Variants in TENM3 observed in about 807,000 individuals in gnomAD.
TENM3 encodes teneurin transmembrane protein 3, also known as teneurin-3.
TENM3 carries 63 observed loss-of-function variants against 255.1 expected under a neutral mutation model. The observed-to-expected ratio is 0.25, with a 90% confidence interval of 0.20 to 0.30. The LOEUF (loss-of-function observed/expected upper bound fraction) is 0.30, where lower values mean the gene tolerates loss of function less well. Among genes scored for constraint, TENM3 ranks in the 10% least tolerant of loss-of-function variants. The pLI is 1.00. For synonymous variants in TENM3, 1,306 were observed against 1,322.3 expected (o/e 0.99, Z 0.27); for missense variants, 2,929 against 3,461.1 (o/e 0.85, Z 3.86).
chr4:182,696,639 C>T (rs956055540), intron 12 of TENM3, among the ~76,000 whole-genome samples: 1 of 151,912 alleles, frequency 6.6e-6, no homozygotes, highest in Non-Finnish European at 1.5e-5. Context: ...GCAGGAGAAT[C>T]GCTTGAACCA....
chr4:181,666,540 A>G, the TENM3 span, among the ~76,000 whole-genome samples: 1 of 152,188 alleles, frequency 6.6e-6, no homozygotes, highest in Admixed American at 6.5e-5. Flanking sequence ...TTACTGAGTC[A>G]GAGGCCAACT....
chr4:181,754,170 G>T, the TENM3 span, among the ~76,000 whole-genome samples: 1 of 152,000 alleles, frequency 6.6e-6, no homozygotes, highest in African/African-American at 2.4e-5. Flanking sequence ...TGACAAAAGC[G>T]AGTCTTGAAG....
At chr4:182,675,043 A>G (rs2152557635) in intron 7 of TENM3, among the ~76,000 whole-genome samples, 1 of 151,592 alleles carries the variant, frequency 6.6e-6, no homozygotes, top group Admixed American at 6.6e-5. Flanking sequence ...TGCCCAGCTA[A>G]TTTTGTATTT....
chr4:182,155,280 T>C (rs2149596241), intron 1 of TENM3, among the ~76,000 whole-genome samples: 1 of 152,272 alleles, frequency 6.6e-6, no homozygotes, highest in Middle Eastern at 3.4e-3. Context: ...AAGTTCACTA[T>C]AAAAATTGCA....
chr4:182,430,979 T>C (rs1771591150), intron 3 of TENM3, among the ~76,000 whole-genome samples: 1 of 151,792 alleles, frequency 6.6e-6, no homozygotes, highest in Non-Finnish European at 1.5e-5. Flanking sequence ...GCCATTGCAC[T>C]CCAGCCTGGG....
At chr4:181,748,020 T>C in the TENM3 span, among the ~76,000 whole-genome samples, 1 of 152,062 alleles carries the variant, frequency 6.6e-6, no homozygotes, top group Non-Finnish European at 1.5e-5. Flanking sequence ...CTAATTATTG[T>C]ACCACTCTAA....
chr4:182,025,535 C>A, the TENM3 span, among the ~76,000 whole-genome samples: 4 of 152,114 alleles, frequency 2.6e-5, no homozygotes, highest in Non-Finnish European at 5.9e-5. Flanking sequence ...GGTATACACC[C>A]AGCAGTGGAA....
At chr4:181,561,517 A>C in the TENM3 span, among the ~76,000 whole-genome samples, 21 of 152,308 alleles carry the variant, frequency 1.4e-4, no homozygotes, top group Admixed American at 1.1e-3. Flanking sequence ...CCAGCAGGAT[A>C]ATCAATCAGT....
chr4:181,694,295 C>T, the TENM3 span, among the ~76,000 whole-genome samples: 1 of 152,302 alleles, frequency 6.6e-6, no homozygotes, highest in African/African-American at 2.4e-5. Context: ...TACAAAACAA[C>T]AGATTCATTT....
intron 3 of TENM3, among the ~76,000 whole-genome samples, chr4:182,364,148 A>G (rs914480656): frequency 2.0e-5 from 3 of 151,898 alleles, no homozygotes; most frequent in African/African-American, 4.8e-5. Context: ...TAATACCCCA[A>G]GTAAAATGAT....
chr4:181,667,263 T>C, the TENM3 span, among the ~76,000 whole-genome samples: 1 of 152,150 alleles, frequency 6.6e-6, no homozygotes, highest in African/African-American at 2.4e-5. Flanking sequence ...GGTTCTGCTC[T>C]TCCCTTAATG....
At chr4:182,298,984 C>G (rs1254613384) in intron 1 of TENM3, among the ~76,000 whole-genome samples, 1 of 25,554 alleles carries the variant, frequency 3.9e-5, no homozygotes, top group African/African-American at 1.3e-4. Context: ...GACTCCTTCT[C>G]AAAAAAAAAA....
chr4:182,425,039 A>G (rs576016761), intron 3 of TENM3, among the ~76,000 whole-genome samples: 1 of 152,206 alleles, frequency 6.6e-6, no homozygotes, highest in South Asian at 2.1e-4. Context: ...ATCGATCCTT[A>G]TTTTCAGATT....
At chr4:181,696,576 A>G in the TENM3 span, among the ~76,000 whole-genome samples, 4 of 152,200 alleles carry the variant, frequency 2.6e-5, no homozygotes, top group Non-Finnish European at 5.9e-5. Context: ...GTCTCTTTTC[A>G]TACATTTCTA....
chr4:182,323,426 A>C (rs1317688741), intron 1 of TENM3, among the ~76,000 whole-genome samples: 1 of 152,008 alleles, frequency 6.6e-6, no homozygotes, highest in Non-Finnish European at 1.5e-5. Flanking sequence ...ATATTAAAAA[A>C]AAAAAAAAAA....
intron 1 of TENM3, among the ~76,000 whole-genome samples, chr4:182,247,596 G>T (rs1213389746): frequency 2.6e-5 from 4 of 152,156 alleles, no homozygotes; most frequent in Non-Finnish European, 4.4e-5. Context: ...GATTTTTCAG[G>T]CCAGTGACTT....
chr4:182,504,297 A>G (rs976737633), intron 3 of TENM3, among the ~76,000 whole-genome samples: 99 of 152,100 alleles, frequency 6.5e-4, no homozygotes, highest in African/African-American at 2.1e-3. Context: ...GCAGAGAGAG[A>G]CGTAAATGCT....
At chr4:182,654,038 C>A in intron 6 of TENM3, 145 bp downstream of exon 6, 1 of 742,664 alleles carries the variant, frequency 1.3e-6, no homozygotes, top group Non-Finnish European at 1.9e-6. Flanking sequence ...AAGTTTTTTT[C>A]AATTAATTTA....
At chr4:182,037,748 G>A in the TENM3 span, among the ~76,000 whole-genome samples, 1 of 152,192 alleles carries the variant, frequency 6.6e-6, no homozygotes. Flanking sequence ...TATGCTCACT[G>A]TGATTTGTTT....
Sources: allele counts gnomAD v4.1 joint callset (sites outside exome capture counted in the v4.1 genomes callset), GRCh38; gene constraint gnomAD v4.1.1; transcripts MANE v1.5; gene names NCBI Gene and HGNC (gene_info 2026-07-23, HGNC 2026-07-21).